EMCN: variants seen among roughly 807,000 people sequenced by gnomAD.
The protein encoded by EMCN is endomucin.
A neutral mutation model predicts 38.4 loss-of-function variants in EMCN; 37 were observed. That is an observed-to-expected ratio of 0.96 (90% CI 0.74 to 1.27). EMCN has a LOEUF of 1.27. Ranked by LOEUF, EMCN falls within the 50% of genes most tolerant of loss-of-function variation. The pLI is 0.00. For synonymous variants in EMCN, 95 were observed against 100.8 expected (o/e 0.94, Z 0.35); for missense variants, 318 against 302.8 (o/e 1.05, Z -0.37).
intron 1 of EMCN, among the ~76,000 whole-genome samples, chr4:100,485,535 C>T (rs140932331): frequency 6.6e-6 from 1 of 151,476 alleles, no homozygotes; most frequent in Non-Finnish European, 1.5e-5. Flanking sequence ...CAGCAAATGA[C>T]CATTAATGAA....
chr4:100,404,485 T>G (rs1726341882), intron 11 of EMCN, among the ~76,000 whole-genome samples: 2 of 152,132 alleles, frequency 1.3e-5, no homozygotes, highest in African/African-American at 4.8e-5. Flanking sequence ...CATACTGTAC[T>G]AGTTACTGTA....
At chr4:100,420,734 A>G (rs930358419) in intron 8 of EMCN, among the ~76,000 whole-genome samples, 2 of 152,066 alleles carry the variant, frequency 1.3e-5, no homozygotes, top group African/African-American at 4.8e-5. Flanking sequence ...AGGTATGGTG[A>G]CTCACTGTAC....
At chr4:100,467,635 T>G (rs1005793733) in intron 3 of EMCN, among the ~76,000 whole-genome samples, 75 of 132,162 alleles carry the variant, frequency 5.7e-4, no homozygotes, top group African/African-American at 2.0e-3. Flanking sequence ...TGAGCCGGGA[T>G]AGCGCCACTG....
At chr4:100,511,579 T>C (rs1729625656) in intron 1 of EMCN, among the ~76,000 whole-genome samples, 3 of 152,184 alleles carry the variant, frequency 2.0e-5, no homozygotes, top group South Asian at 4.1e-4. Context: ...AGGCAAATAA[T>C]TGCCTTAGAA....
intron 5 of EMCN, among the ~76,000 whole-genome samples, chr4:100,434,870 A>C (rs1316105043): frequency 6.6e-6 from 1 of 152,168 alleles, no homozygotes; most frequent in Non-Finnish European, 1.5e-5. Flanking sequence ...TTGAAGGAAC[A>C]TACCTCTAAA....
intron 2 of EMCN, among the ~76,000 whole-genome samples, chr4:100,476,234 CTTCT>C (rs956470505): frequency 6.4e-5 from 9 of 139,996 alleles, no homozygotes; most frequent in African/African-American, 1.9e-4. Context: ...CCCTTCCTTC[CTTCT>C]TTCTTTCCTT....
At chr4:100,410,208 A>C in intron 11 of EMCN, 74 bp downstream of exon 11, 1 of 1,041,796 alleles carries the variant, frequency 9.6e-7, no homozygotes, top group Non-Finnish European at 1.5e-6. Context: ...ATTCTTTAAA[A>C]ACAATCTAAG....
chr4:100,441,353 T>G (rs943134348), intron 5 of EMCN, among the ~76,000 whole-genome samples: 1 of 152,180 alleles, frequency 6.6e-6, no homozygotes, highest in Non-Finnish European at 1.5e-5. Flanking sequence ...ATTATTTGCA[T>G]GGAATATCTT....
chr4:100,491,774 T>C (rs1028608577), intron 1 of EMCN, among the ~76,000 whole-genome samples: 2 of 152,362 alleles, frequency 1.3e-5, no homozygotes, highest in African/African-American at 4.8e-5. Context: ...CCCAGCCAGC[T>C]GCCTCACCCA....
intron 11 of EMCN, among the ~76,000 whole-genome samples, chr4:100,399,923 C>A (rs1455516335): frequency 6.6e-6 from 1 of 152,122 alleles, no homozygotes; most frequent in Non-Finnish European, 1.5e-5. Flanking sequence ...CAACCCTCTA[C>A]CCTCAAGAAG....
chr4:100,472,232 C>A (rs1728498084), intron 3 of EMCN, among the ~76,000 whole-genome samples: 1 of 151,892 alleles, frequency 6.6e-6, no homozygotes, highest in East Asian at 1.9e-4. Context: ...TACACACACA[C>A]AAATTACAGT....
At chr4:100,421,641 A>G (rs990240223) in intron 7 of EMCN, among the ~76,000 whole-genome samples, 59 of 152,026 alleles carry the variant, frequency 3.9e-4, no homozygotes, top group Non-Finnish European at 4.4e-5. Flanking sequence ...TGGAGACTGA[A>G]GAAGTGGGGA....
intron 4 of EMCN, among the ~76,000 whole-genome samples, chr4:100,459,538 T>C (rs2651588): frequency 0.89 from 135,580 of 152,074 alleles, 60,507 homozygotes; most frequent in South Asian, 0.96. Flanking sequence ...CTAACTGAAA[T>C]TTTGTATAAT....
intron 5 of EMCN, among the ~76,000 whole-genome samples, chr4:100,443,163 T>C (rs1727569893): frequency 6.6e-6 from 1 of 152,242 alleles, no homozygotes; most frequent in Non-Finnish European, 1.5e-5. Context: ...CTCATTACTT[T>C]AAATCACTTT....
chr4:100,426,053 A>G (rs556651131), intron 5 of EMCN, among the ~76,000 whole-genome samples: 37 of 152,284 alleles, frequency 2.4e-4, no homozygotes, highest in African/African-American at 8.2e-4. Context: ...ATGTATGCCC[A>G]AATTTACCCC....
At chr4:100,453,851 G>T (rs1384478792) in intron 4 of EMCN, among the ~76,000 whole-genome samples, 2 of 152,228 alleles carry the variant, frequency 1.3e-5, no homozygotes, top group South Asian at 2.1e-4. Flanking sequence ...CATAAAAAAT[G>T]ATGAGTTCAT....
At chr4:100,508,908 G>A (rs1729555058) in intron 1 of EMCN, among the ~76,000 whole-genome samples, 1 of 152,148 alleles carries the variant, frequency 6.6e-6, no homozygotes, top group Non-Finnish European at 1.5e-5. Context: ...AATCAAATAA[G>A]TTTAGCCAAC....
chr4:100,446,020 G>A (rs1727662157), intron 5 of EMCN: 1 of 951,036 alleles, frequency 1.1e-6, no homozygotes, highest in African/African-American at 1.8e-5. Flanking sequence ...CTGGCATTTT[G>A]TAAATAAAAT....
At chr4:100,507,814 G>A (rs566749107) in intron 1 of EMCN, among the ~76,000 whole-genome samples, 2 of 151,912 alleles carry the variant, frequency 1.3e-5, no homozygotes, top group South Asian at 4.2e-4. Context: ...CTAGCCCCAC[G>A]CCTAACAAAT....
Sources: allele counts gnomAD v4.1 joint callset (sites outside exome capture counted in the v4.1 genomes callset), GRCh38; gene constraint gnomAD v4.1.1; transcripts MANE v1.5; gene names NCBI Gene and HGNC (gene_info 2026-07-23, HGNC 2026-07-21).